The following RABGAP1L variants were observed in gnomAD, a reference collection of about 807,000 sequenced individuals.
The protein encoded by RABGAP1L is rab GTPase-activating protein 1-like.
RABGAP1L carries 63 observed loss-of-function variants against 137.7 expected under a neutral mutation model. The observed-to-expected ratio is 0.46, with a 90% confidence interval of 0.37 to 0.56. The LOEUF (loss-of-function observed/expected upper bound fraction) is 0.56. Ranked by LOEUF, RABGAP1L falls within the 20% of genes least tolerant of loss-of-function variation. The pLI is 0.00. For missense variants in RABGAP1L, 1,095 were observed against 1,244.0 expected (o/e 0.88, Z 1.80); for synonymous variants, 431 against 433.7 (o/e 0.99, Z 0.08).
At chr1:174,902,401 G>A (rs566255096) in intron 19 of RABGAP1L, among the ~76,000 whole-genome samples, 4 of 152,256 alleles carry the variant, frequency 2.6e-5, no homozygotes, top group East Asian at 3.9e-4. Flanking sequence ...CACGCCAGTC[G>A]GTCTTAACTT....
At chr1:174,662,409 G>A (rs915644376) in intron 14 of RABGAP1L, among the ~76,000 whole-genome samples, 1 of 149,764 alleles carries the variant, frequency 6.7e-6, no homozygotes, top group African/African-American at 2.5e-5. Flanking sequence ...TGGCCTGGTT[G>A]TTTGTTTGTT....
At chr1:174,554,256 C>T (rs897473283) in intron 13 of RABGAP1L, among the ~76,000 whole-genome samples, 1 of 151,960 alleles carries the variant, frequency 6.6e-6, no homozygotes, top group African/African-American at 2.4e-5. Flanking sequence ...CTATCATTTG[C>T]CTATTTTGAG....
intron 19 of RABGAP1L, chr1:174,875,610 A>AG: frequency 1.0e-6 from 1 of 985,374 alleles, no homozygotes; most frequent in Non-Finnish European, 1.2e-6. Context: ...TTTCACATCT[A>AG]GAAAATGTTG....
chr1:174,836,698 C>T (rs147485957), intron 19 of RABGAP1L, among the ~76,000 whole-genome samples: 3 of 152,320 alleles, frequency 2.0e-5, no homozygotes, highest in Non-Finnish European at 4.4e-5. Flanking sequence ...GCTAGACATA[C>T]TCTGACATTG....
At chr1:174,513,154 C>CT (rs935511715) in intron 13 of RABGAP1L, among the ~76,000 whole-genome samples, 1 of 152,078 alleles carries the variant, frequency 6.6e-6, no homozygotes, top group Non-Finnish European at 1.5e-5. Flanking sequence ...CAAATAGCAC[C>CT]TAGTAAGTAC....
chr1:174,572,150 G>C (rs776142011), intron 13 of RABGAP1L, among the ~76,000 whole-genome samples: 49 of 152,312 alleles, frequency 3.2e-4, no homozygotes, highest in Non-Finnish European at 5.4e-4. Flanking sequence ...AGCATGGACT[G>C]TCAAGTAAGA....
chr1:174,642,727 TCCTCTCCC>T (rs1456658428), intron 14 of RABGAP1L, among the ~76,000 whole-genome samples: 13 of 134,604 alleles, frequency 9.7e-5, no homozygotes, highest in African/African-American at 2.3e-4. Context: ...TCTCTCTCTC[TCCTCTCCC>T]CCTCTCCCCC....
intron 17 of RABGAP1L, among the ~76,000 whole-genome samples, chr1:174,738,055 A>T (rs1359030658): frequency 2.0e-5 from 3 of 152,230 alleles, no homozygotes; most frequent in Non-Finnish European, 2.9e-5. Flanking sequence ...GAAGGGACAG[A>T]AATCCCCACC....
intron 14 of RABGAP1L, among the ~76,000 whole-genome samples, chr1:174,647,735 G>A (rs546134676): frequency 6.6e-6 from 1 of 152,206 alleles, no homozygotes; most frequent in South Asian, 2.1e-4. Flanking sequence ...ATGAGTTAGG[G>A]AGGAGTCCCT....
At chr1:174,676,566 C>A (rs563902983) in intron 14 of RABGAP1L, among the ~76,000 whole-genome samples, 4 of 152,204 alleles carry the variant, frequency 2.6e-5, no homozygotes, top group Non-Finnish European at 4.4e-5. Flanking sequence ...TGAAAAGATT[C>A]CTGATTTTAA....
chr1:174,736,172 A>AG (rs1682928460), intron 17 of RABGAP1L, among the ~76,000 whole-genome samples: 1 of 152,204 alleles, frequency 6.6e-6, no homozygotes, highest in African/African-American at 2.4e-5. Flanking sequence ...TCTACCTGTA[A>AG]GTCTATGAGG....
chr1:174,597,636 T>C (rs1321441725), intron 13 of RABGAP1L, among the ~76,000 whole-genome samples: 3 of 152,120 alleles, frequency 2.0e-5, no homozygotes, highest in Non-Finnish European at 4.4e-5. Context: ...TGATTTTGTT[T>C]TCAAAAAACT....
At chr1:174,412,512 T>C (rs1299652737) in intron 13 of RABGAP1L, among the ~76,000 whole-genome samples, 1 of 152,036 alleles carries the variant, frequency 6.6e-6, no homozygotes, top group Non-Finnish European at 1.5e-5. Context: ...AAGTTGTTAG[T>C]TGGTTGCTTT....
At chr1:174,599,960 T>C (rs929068859) in intron 13 of RABGAP1L, among the ~76,000 whole-genome samples, 2 of 152,138 alleles carry the variant, frequency 1.3e-5, no homozygotes, top group East Asian at 1.9e-4. Flanking sequence ...AGGCCCCATG[T>C]ATTAGTCTGT....
chr1:174,637,596 A>T (rs1421068517), intron 14 of RABGAP1L, 108 bp downstream of exon 14: 19 of 787,234 alleles, frequency 2.4e-5, no homozygotes, highest in Non-Finnish European at 3.4e-5. Flanking sequence ...GCACTATGCC[A>T]TGTTTTCTGC....
At chr1:174,327,990 T>TATATATATATAC (rs1680649323) in intron 11 of RABGAP1L, among the ~76,000 whole-genome samples, 3 of 36,360 alleles carry the variant, frequency 8.3e-5, no homozygotes, top group African/African-American at 2.0e-4. Flanking sequence ...CACACACATA[T>TATATATATATAC]ATATATATAT....
intron 13 of RABGAP1L, among the ~76,000 whole-genome samples, chr1:174,613,369 G>A (rs1193091204): frequency 1.3e-5 from 2 of 152,150 alleles, no homozygotes; most frequent in Non-Finnish European, 2.9e-5. Flanking sequence ...GAGTGATTTT[G>A]AGTGAGTTTC....
chr1:174,618,867 A>C (rs1463871325), intron 13 of RABGAP1L, among the ~76,000 whole-genome samples: 1 of 152,216 alleles, frequency 6.6e-6, no homozygotes, highest in Non-Finnish European at 1.5e-5. Flanking sequence ...ATTCAAACCA[A>C]AGGCAAAGAA....
At chr1:174,487,504 C>T (rs1659788563) in intron 13 of RABGAP1L, among the ~76,000 whole-genome samples, 1 of 152,052 alleles carries the variant, frequency 6.6e-6, no homozygotes, top group South Asian at 2.1e-4. Flanking sequence ...TGGTTTTAGT[C>T]TACATATGTC....
Sources: allele counts gnomAD v4.1 joint callset (sites outside exome capture counted in the v4.1 genomes callset), GRCh38; gene constraint gnomAD v4.1.1; transcripts MANE v1.5; gene names NCBI Gene and HGNC (gene_info 2026-07-23, HGNC 2026-07-21).